SYT9: variants seen among roughly 807,000 people sequenced by gnomAD.
SYT9 encodes the protein synaptotagmin 9, also known as synaptotagmin-9.
In SYT9, 22 loss-of-function variants were observed where a neutral mutation model predicts 48.4. That is an observed-to-expected ratio of 0.45 (90% CI 0.32 to 0.65). The LOEUF is 0.65. Among genes scored for constraint, SYT9 ranks in the 30% least tolerant of loss-of-function variants. SYT9 has a pLI of 0.03. For missense variants in SYT9, 577 were observed against 622.0 expected (o/e 0.93, Z 0.77); for synonymous variants, 265 against 245.0 (o/e 1.08, Z -0.76).
At chr11:7,293,290 T>C (rs1475763554) in intron 1 of SYT9, among the ~76,000 whole-genome samples, 1 of 152,192 alleles carries the variant, frequency 6.6e-6, no homozygotes, top group East Asian at 1.9e-4. Context: ...AAATTGCATT[T>C]AATGCCATTT....
At chr11:7,424,492 C>G (rs1483466679) in intron 6 of SYT9, among the ~76,000 whole-genome samples, 2 of 152,144 alleles carry the variant, frequency 1.3e-5, no homozygotes, top group Non-Finnish European at 2.9e-5. Flanking sequence ...TCAAGATGAC[C>G]AACATCATAA....
chr11:7,437,369 GAAACAAAAGTTTC>G (rs1847730808), intron 6 of SYT9, among the ~76,000 whole-genome samples: 4 of 152,154 alleles, frequency 2.6e-5, no homozygotes, highest in Admixed American at 2.6e-4. Context: ...ATATAAAACT[GAAACAAAAGTTTC>G]ACGAAATTAA....
intron 3 of SYT9, among the ~76,000 whole-genome samples, chr11:7,334,848 A>G (rs1054234929): frequency 5.3e-5 from 8 of 152,220 alleles, no homozygotes; most frequent in African/African-American, 1.7e-4. Flanking sequence ...ATTCCATTGC[A>G]TAGATATGCC....
chr11:7,332,926 G>T (rs1849566451), intron 3 of SYT9, among the ~76,000 whole-genome samples: 1 of 152,188 alleles, frequency 6.6e-6, no homozygotes, highest in African/African-American at 2.4e-5. Flanking sequence ...TACATTTAAT[G>T]GTCTTCTACC....
chr11:7,411,627 G>T (rs1847138127), intron 3 of SYT9, among the ~76,000 whole-genome samples: 1 of 152,000 alleles, frequency 6.6e-6, no homozygotes, highest in African/African-American at 2.4e-5. Context: ...AGACACTTTT[G>T]TCTTGCTGTT....
At chr11:7,338,500 C>T (rs1849664825) in intron 3 of SYT9, among the ~76,000 whole-genome samples, 2 of 152,012 alleles carry the variant, frequency 1.3e-5, no homozygotes, top group Non-Finnish European at 2.9e-5. Flanking sequence ...TGTGTATTTC[C>T]CTCTTAACAC....
Position 7,253,008 on chromosome 11 carries a change from C to T in SYT9, c.145+677C>T, listed in dbSNP as rs140720719. 6.3e-3 allele frequency among the ~76,000 whole-genome samples: 962 copies of T among 152,358 alleles called. 4 individuals are homozygous for T. The highest frequency in any genetic ancestry group is 0.011 in the Non-Finnish European group (735 of 68,040). On this transcript the variant is annotated intron_variant, in intron 1 of 6. Coordinates refer to ENST00000318881, the MANE Select transcript of SYT9 (RefSeq NM_175733.4). ...GATGGGGTTCGTAGACTCGTCGGTC[C>T]TGGCTTGTGCACCTGTAGTTACTCC... is the stretch of plus-strand genomic sequence containing the variant.
chr11:7,388,561 A>G (rs1343300708), intron 3 of SYT9, among the ~76,000 whole-genome samples: 1 of 152,072 alleles, frequency 6.6e-6, no homozygotes, highest in African/African-American at 2.4e-5. Context: ...CTTTAGATAA[A>G]TGATTTGATC....
chr11:7,380,694 T>C (rs1330900989), intron 3 of SYT9, among the ~76,000 whole-genome samples: 2 of 152,226 alleles, frequency 1.3e-5, no homozygotes. Context: ...TAGTGGGTTA[T>C]GGCTGGTGCA....
chr11:7,337,956 A>C (rs1024445945), intron 3 of SYT9, among the ~76,000 whole-genome samples: 2 of 152,124 alleles, frequency 1.3e-5, no homozygotes, highest in African/African-American at 4.8e-5. Context: ...TTCTTTGTAC[A>C]TCTGGTAGAA....
chr11:7,323,083 T>C (rs1323597220), intron 3 of SYT9, among the ~76,000 whole-genome samples: 2 of 152,188 alleles, frequency 1.3e-5, no homozygotes, highest in Admixed American at 1.3e-4. Flanking sequence ...AATTTATCTT[T>C]CTTCTGTCAA....
Position 7,252,466 on chromosome 11 carries a change from C to G in SYT9, c.145+135C>G, listed in dbSNP as rs148543504. On this transcript the variant is annotated intron_variant, in intron 1 of 6. Transcript: ENST00000318881. The surrounding 1 kb of genome is among the most constrained non-coding windows in gnomAD (Gnocchi z 6.3). ...GCGGCCACCGAGCCAGGAGAGTGAT[C>G]AAGAACCAGCGCACTGTGGCCTGAT... is the stretch of plus-strand genomic sequence containing the variant. 6,341 of 996,070 alleles carry G rather than the reference C, an allele frequency of 6.4e-3. 41 individuals are homozygous for G. Among genetic ancestry groups the G allele is most frequent in the Non-Finnish European group, 7.8e-3 (5,820 of 750,362 alleles). The allele number at this position is 996,070 out of a possible 1,614,324, so 61.7% of individuals were successfully genotyped here.
chr11:7,252,249 C>G lies in SYT9; in HGVS notation c.63C>G (p.Ala21=). The G allele has an allele frequency of 6.6e-7, 1 of 1,506,334 alleles. No individual in the cohort carries two copies. Among genetic ancestry groups the G allele is most frequent in the Non-Finnish European group, 8.9e-7 (1 of 1,127,828 alleles). The allele number at this position is 1,506,334 out of a possible 1,614,324, so 93.3% of individuals were successfully genotyped here. A position where few individuals can be genotyped will look rare whatever the true frequency, so the allele number is the denominator to read the frequency against. ...QALQLLAELC[A]RGALEHDSCQ... ...TGCAGCTGCTGGCCGAGCTCTGTGC[C>G]CGTGGGGCCCTGGAGCACGACAGCT... The change falls in exon 1 of 7, where the codon GCC becomes GCG. Residue 21 remains alanine, a synonymous_variant. Coordinates refer to ENST00000318881, the MANE Select transcript of SYT9 (RefSeq NM_175733.4). The surrounding 1 kb of genome is among the most constrained non-coding windows in gnomAD (Gnocchi z 6.3).
At chr11:7,372,283 T>A (rs1850376087) in intron 3 of SYT9, among the ~76,000 whole-genome samples, 1 of 151,934 alleles carries the variant, frequency 6.6e-6, no homozygotes, top group Admixed American at 6.6e-5. Flanking sequence ...TTATGTGGGG[T>A]TTTTTTGCTC....
upstream of SYT9, among the ~76,000 whole-genome samples, chr11:7,248,792 A>C (rs1847824575): frequency 6.6e-6 from 1 of 152,224 alleles, no homozygotes; most frequent in Non-Finnish European, 1.5e-5. Flanking sequence ...AATTCCCATC[A>C]AAATACCACC....
Position 7,252,905 on chromosome 11 carries a change from C to T in SYT9, c.145+574C>T, listed in dbSNP as rs1372301901. On this transcript the variant is annotated intron_variant, in intron 1 of 6. Coordinates refer to ENST00000318881, the MANE Select transcript of SYT9 (RefSeq NM_175733.4). The surrounding 1 kb of genome is among the most constrained non-coding windows in gnomAD (Gnocchi z 6.3). ...TGGCCTTGGGCAGACGGGCCTGAAC[C>T]CGTTCCCGGCGGGTCGCACGGCATG... Among the ~76,000 whole-genome samples the T allele has an allele frequency of 1.3e-5, 2 of 152,236 alleles. No individual in the cohort carries two copies. The highest frequency in any genetic ancestry group is 6.5e-5 in the Admixed American group (1 of 15,282).
intron 3 of SYT9, among the ~76,000 whole-genome samples, chr11:7,401,984 A>T (rs11041356): frequency 0.16 from 23,526 of 151,778 alleles, 2,263 homozygotes; most frequent in African/African-American, 0.27. Context: ...ACCGCTATAG[A>T]TTTCCTCATA....
chr11:7,328,631 A>C (rs918532464), intron 3 of SYT9, among the ~76,000 whole-genome samples: 1 of 152,142 alleles, frequency 6.6e-6, no homozygotes, highest in Non-Finnish European at 1.5e-5. Flanking sequence ...GCAATTTGAC[A>C]TTATAATTAA....
At chr11:7,389,407 A>G (rs1318467977) in intron 3 of SYT9, among the ~76,000 whole-genome samples, 1 of 152,176 alleles carries the variant, frequency 6.6e-6, no homozygotes, top group East Asian at 1.9e-4. Context: ...TTAAAGAATA[A>G]TTCACGAGGA....
Sources: allele counts gnomAD v4.1 joint callset (sites outside exome capture counted in the v4.1 genomes callset), GRCh38; gene constraint gnomAD v4.1.1; non-coding constraint Gnocchi (gnomAD v3.1); transcripts MANE v1.5; gene names NCBI Gene and HGNC (gene_info 2026-07-23, HGNC 2026-07-21).